TMEM196: variants seen among roughly 807,000 people sequenced by gnomAD.
The protein encoded by TMEM196 is transmembrane protein 196.
TMEM196 carries 17 observed loss-of-function variants against 20.0 expected under a neutral mutation model. The observed-to-expected ratio is 0.85, with a 90% confidence interval of 0.58 to 1.27. The LOEUF (loss-of-function observed/expected upper bound fraction) is 1.27, where lower values mean the gene tolerates loss of function less well. TMEM196 is among the 50% of genes most tolerant of loss of function. The pLI, the probability that TMEM196 is intolerant of heterozygous loss-of-function variation, is 0.00. For missense variants in TMEM196, 267 were observed against 223.0 expected (o/e 1.20, Z -1.26); for synonymous variants, 113 against 88.9 (o/e 1.27, Z -1.52).
intron 1 of TMEM196, among the ~76,000 whole-genome samples, chr7:19,769,816 A>T (rs1785792330): frequency 6.6e-6 from 1 of 152,218 alleles, no homozygotes; most frequent in African/African-American, 2.4e-5. Flanking sequence ...TGTAAGGTAT[A>T]TTGGAAGATG....
intron 1 of TMEM196, among the ~76,000 whole-genome samples, chr7:19,736,378 T>TATAA (rs1307832438): frequency 1.9e-4 from 10 of 52,606 alleles, no homozygotes; most frequent in Non-Finnish European, 2.3e-4. Context: ...TATATATATA[T>TATAA]ATATATATAT....
chr7:19,761,085 C>T (rs997185608), intron 1 of TMEM196, among the ~76,000 whole-genome samples: 1 of 152,168 alleles, frequency 6.6e-6, no homozygotes, highest in African/African-American at 2.4e-5. Context: ...GTCCCACTCC[C>T]TGGGCTCACA....
chr7:19,730,842 C>A (rs1047057057), intron 1 of TMEM196, among the ~76,000 whole-genome samples: 8 of 152,026 alleles, frequency 5.3e-5, no homozygotes, highest in African/African-American at 1.9e-4. Flanking sequence ...AAATAGGGAA[C>A]ACAGAATATA....
chr7:19,750,657 G>A (rs17141884), intron 1 of TMEM196, among the ~76,000 whole-genome samples: 23,338 of 151,832 alleles, frequency 0.15, 2,173 homozygotes, highest in East Asian at 0.42. Flanking sequence ...GGGGTCTACA[G>A]TGCTTAGCAG....
intron 1 of TMEM196, among the ~76,000 whole-genome samples, chr7:19,760,643 G>A (rs2128037176): frequency 6.6e-6 from 1 of 152,240 alleles, no homozygotes; most frequent in Middle Eastern, 3.4e-3. Context: ...TTATAGGCGT[G>A]AGCCACTGCG....
chr7:19,744,997 T>A (rs1221804118), intron 1 of TMEM196, among the ~76,000 whole-genome samples: 1 of 152,122 alleles, frequency 6.6e-6, no homozygotes, highest in East Asian at 1.9e-4. Context: ...TACAGTCATC[T>A]CTCCATATGT....
intron 1 of TMEM196, among the ~76,000 whole-genome samples, chr7:19,741,297 C>T (rs1784575211): frequency 6.6e-6 from 1 of 152,136 alleles, no homozygotes; most frequent in Non-Finnish European, 1.5e-5. Context: ...CATAGCCTCT[C>T]TGACAAAGCT....
intron 1 of TMEM196, among the ~76,000 whole-genome samples, chr7:19,760,352 CTTTTTTTT>C (rs55646735): frequency 1.8e-4 from 17 of 92,178 alleles, no homozygotes; most frequent in African/African-American, 3.2e-4. Flanking sequence ...ATATATTTTC[CTTTTTTTT>C]TTTTTTTTTT....
intron 4 of TMEM196, among the ~76,000 whole-genome samples, chr7:19,722,717 A>C (rs1783853379): frequency 6.6e-6 from 1 of 152,302 alleles, no homozygotes; most frequent in South Asian, 2.1e-4. Context: ...TTAATGGATC[A>C]ATTACTAAAA....
At chr7:19,759,622 C>G (rs1344045211) in intron 1 of TMEM196, among the ~76,000 whole-genome samples, 1 of 151,894 alleles carries the variant, frequency 6.6e-6, no homozygotes, top group East Asian at 1.9e-4. Flanking sequence ...CCATCCTACA[C>G]CAGACACACA....
intron 1 of TMEM196, among the ~76,000 whole-genome samples, chr7:19,742,540 T>C (rs1471905355): frequency 6.6e-6 from 1 of 152,130 alleles, no homozygotes; most frequent in Non-Finnish European, 1.5e-5. Flanking sequence ...TGACGACATA[T>C]GTTTTATTCA....
intron 1 of TMEM196, among the ~76,000 whole-genome samples, chr7:19,744,402 C>T (rs190028902): frequency 4.3e-4 from 66 of 152,240 alleles, no homozygotes; most frequent in Admixed American, 7.2e-4. Flanking sequence ...ACAATAGGTG[C>T]TGGTTCTTAA....
chr7:19,740,494 G>A (rs1784546966), intron 1 of TMEM196, among the ~76,000 whole-genome samples: 1 of 152,132 alleles, frequency 6.6e-6, no homozygotes, highest in East Asian at 1.9e-4. Flanking sequence ...TAAATAAGTT[G>A]ACTCCTATTT....
At chr7:19,742,078 G>A (rs926391956) in intron 1 of TMEM196, among the ~76,000 whole-genome samples, 38 of 152,050 alleles carry the variant, frequency 2.5e-4, no homozygotes, top group Non-Finnish European at 5.0e-4. Flanking sequence ...CTTGCATCTG[G>A]ACGAAATCCA....
rs1429593840 is a variant in TMEM196 at position 19,772,616 on chromosome 7, G to A, written c.81C>T (p.Ala27=). ...CCAGGCTGAAGCTGACCGCCCCCAC[G>A]GCCACGCTGGACACCCCCAGCCCTA... The part of the protein sequence containing the change: ...LEIGLGVSSV[A]VGAVSFSLAL... The change falls in exon 1 of 5, where the codon GCC becomes GCT. Residue 27 remains alanine, a synonymous_variant. Transcript: ENST00000405844. The A allele has an allele frequency of 2.0e-5, 31 of 1,546,352 alleles. No homozygotes were observed. Among genetic ancestry groups the A allele is most frequent in the Non-Finnish European group, 2.6e-5 (30 of 1,145,518 alleles).
chr7:19,768,002 C>T (rs1191356981), intron 1 of TMEM196, among the ~76,000 whole-genome samples: 2 of 151,976 alleles, frequency 1.3e-5, no homozygotes, highest in Non-Finnish European at 2.9e-5. Flanking sequence ...CAACAAAATC[C>T]TACAATTGGC....
intron 1 of TMEM196, among the ~76,000 whole-genome samples, chr7:19,732,601 G>A (rs1198317150): frequency 2.8e-5 from 4 of 143,268 alleles, no homozygotes; most frequent in African/African-American, 1.0e-4. Context: ...AAAAAAAAAC[G>A]GAATGGAAGT....
intron 1 of TMEM196, among the ~76,000 whole-genome samples, chr7:19,752,625 C>T (rs2189569): frequency 0.37 from 56,228 of 150,434 alleles, 12,165 homozygotes; most frequent in East Asian, 0.95. Context: ...TTCTTTCTTT[C>T]TTTTTTTGAG....
At chr7:19,728,916 A>C (rs1784092875) in intron 2 of TMEM196, among the ~76,000 whole-genome samples, 1 of 152,230 alleles carries the variant, frequency 6.6e-6, no homozygotes, top group Non-Finnish European at 1.5e-5. Flanking sequence ...CTGAGAATTA[A>C]ACTGTAACCA....
Sources: gnomAD v4.1 joint callset for allele counts (sites outside exome capture counted in the v4.1 genomes callset) on GRCh38, gnomAD v4.1.1 for gene constraint, MANE v1.5 for transcripts, NCBI Gene and HGNC (gene_info 2026-07-23, HGNC 2026-07-21) for gene names.